AGTPBP1: variants seen among roughly 807,000 people sequenced by gnomAD.
The protein encoded by AGTPBP1 is cytosolic carboxypeptidase 1.
AGTPBP1 carries 70 observed loss-of-function variants against 143.9 expected under a neutral mutation model. The observed-to-expected ratio is 0.49, with a 90% CI of 0.40 to 0.59. AGTPBP1 has a LOEUF of 0.59. Among genes scored for constraint, AGTPBP1 ranks in the 20% least tolerant of loss-of-function variants. AGTPBP1 has a pLI of 0.00. For missense variants in AGTPBP1, 1,229 were observed against 1,464.5 expected, an observed-to-expected ratio of 0.84 and a Z score of 2.62; for synonymous variants, 463 against 500.2, an observed-to-expected ratio of 0.93 and a Z score of 0.99.
intron 6 of AGTPBP1, among the ~76,000 whole-genome samples, chr9:85,676,409 C>G (rs902361192): frequency 6.6e-6 from 1 of 151,814 alleles, no homozygotes; most frequent in Admixed American, 6.6e-5. Context: ...TAAACATTCT[C>G]AAAAGAAAAT....
At chr9:85,741,319 G>A in intron 1 of AGTPBP1, 15 of 985,418 alleles carry the variant, frequency 1.5e-5, no homozygotes, top group South Asian at 4.7e-5. Context: ...AAGCACAGGG[G>A]CCCGCGATTC....
chr9:85,691,622 G>A (rs1456401051), intron 3 of AGTPBP1, among the ~76,000 whole-genome samples: 3 of 150,800 alleles, frequency 2.0e-5, no homozygotes, highest in African/African-American at 7.3e-5. Flanking sequence ...ATCTATTAAG[G>A]TAATCACATG....
intron 9 of AGTPBP1, among the ~76,000 whole-genome samples, chr9:85,658,130 G>C (rs1364008256): frequency 6.6e-6 from 1 of 151,840 alleles, no homozygotes; most frequent in Non-Finnish European, 1.5e-5. Context: ...TGCAAACTTT[G>C]TGTTTCCACT....
the AGTPBP1 span, among the ~76,000 whole-genome samples, chr9:85,788,699 G>GTATACAT: frequency 6.7e-6 from 1 of 148,796 alleles, no homozygotes; most frequent in Non-Finnish European, 1.5e-5. Flanking sequence ...TAGATATAGG[G>GTATACAT]TATACATTAT....
At chr9:85,709,868 G>A (rs1463769523) in intron 2 of AGTPBP1, among the ~76,000 whole-genome samples, 2 of 152,104 alleles carry the variant, frequency 1.3e-5, no homozygotes, top group Admixed American at 6.5e-5. Context: ...TTTACTAGAC[G>A]TGCTTCTTTG....
intron 2 of AGTPBP1, among the ~76,000 whole-genome samples, chr9:85,705,791 C>G (rs185599469): frequency 6.6e-6 from 1 of 151,938 alleles, no homozygotes; most frequent in Non-Finnish European, 1.5e-5. Flanking sequence ...TCCGGGTTCA[C>G]GCTATTCTCC....
At chr9:85,785,828 T>C in the AGTPBP1 span, 1 of 208,012 alleles carries the variant, frequency 4.8e-6, no homozygotes, top group Non-Finnish European at 9.6e-6. Flanking sequence ...AGCACTCTTA[T>C]GTTTCCAGGG....
intron 2 of AGTPBP1, among the ~76,000 whole-genome samples, chr9:85,705,126 G>A (rs1836899867): frequency 6.7e-6 from 1 of 149,800 alleles, no homozygotes; most frequent in Non-Finnish European, 1.5e-5. Context: ...GAAAAGAACA[G>A]AAATATGTAA....
chr9:85,697,688 G>A (rs1383025826), intron 2 of AGTPBP1, among the ~76,000 whole-genome samples: 12 of 151,974 alleles, frequency 7.9e-5, no homozygotes, highest in African/African-American at 2.4e-4. Flanking sequence ...TCCTGACCTC[G>A]TGATCCGCCC....
chr9:85,667,888 C>G (rs1471730800), intron 8 of AGTPBP1, among the ~76,000 whole-genome samples: 1 of 118,956 alleles, frequency 8.4e-6, no homozygotes, highest in Non-Finnish European at 1.7e-5. Flanking sequence ...AAGCCCTGAA[C>G]AAGCAAGCCA....
the AGTPBP1 span, among the ~76,000 whole-genome samples, chr9:85,758,889 A>G: frequency 3.3e-5 from 5 of 152,174 alleles, no homozygotes; most frequent in South Asian, 1.0e-3. Context: ...TCACGTGCAG[A>G]GACACACATA....
chr9:85,596,411 T>G lies in AGTPBP1; in HGVS notation c.2374A>C (p.Asn792His). 6.2e-7 allele frequency: 1 copy of G among 1,611,502 alleles called. No individual in the cohort carries two copies. The highest frequency in any genetic ancestry group is 8.5e-7 in the Non-Finnish European group (1 of 1,179,008). ...ATACGAATCCACCATGGTCTGGCATTTAATGCTTCCTGAACCGAATACATG... is the reference window on the plus strand; with the variant it reads ...ATACGAATCCACCATGGTCTGGCATGTAATGCTTCCTGAACCGAATACATG... ...PLMYSVQEAL[N>H]ARPWWIRMGT... The change falls in exon 18 of 26, where the codon AAT becomes CAT. Residue 792 changes from asparagine (N) to histidine (H), a missense_variant. Physicochemically the swap from Asn to His is moderately conservative, Grantham distance 68. Transcript: ENST00000357081.
chr9:85,586,795 TG>T (rs1286156994), intron 22 of AGTPBP1, 35 bp downstream of exon 22: 3 of 1,595,126 alleles, frequency 1.9e-6, no homozygotes, highest in Non-Finnish European at 2.6e-6. Context: ...ATTTTATCTT[TG>T]ACTATCCCAA....
At position 85,741,838 on chromosome 9, in the gene AGTPBP1, T is replaced by TCAC; in HGVS notation, c.-100_-98dup. On this transcript the variant is annotated 5_prime_UTR_variant, in exon 1 of 26. Transcript: ENST00000357081. ...CGCAGCACCCGGCTCAGCACCTGGATCACGGCGGATCCCTCGCCGCCCGCC... is the reference window on the plus strand; with the variant it reads ...CGCAGCACCCGGCTCAGCACCTGGATCACCACGGCGGATCCCTCGCCGCCCGCC... The TCAC allele has an allele frequency of 7.1e-7, 1 of 1,402,026 alleles. No individual in the cohort carries two copies. The highest frequency in any genetic ancestry group is 9.3e-7 in the Non-Finnish European group (1 of 1,079,362). The allele number at this position is 1,402,026 out of a possible 1,614,324, so 86.8% of individuals were successfully genotyped here.
At chr9:85,604,859 T>C (rs955653170) in intron 17 of AGTPBP1, among the ~76,000 whole-genome samples, 7 of 152,116 alleles carry the variant, frequency 4.6e-5, no homozygotes, top group African/African-American at 1.2e-4. Flanking sequence ...TGCATTATAG[T>C]GTCTCAGCGG....
At chr9:85,794,836 C>T in the AGTPBP1 span, among the ~76,000 whole-genome samples, 2 of 152,098 alleles carry the variant, frequency 1.3e-5, no homozygotes, top group African/African-American at 2.4e-5. Context: ...ACATGTCTTA[C>T]ACTTCTTTGG....
At chr9:85,647,134 G>A (rs1429999208) in intron 11 of AGTPBP1, among the ~76,000 whole-genome samples, 1 of 152,104 alleles carries the variant, frequency 6.6e-6, no homozygotes, top group African/African-American at 2.4e-5. Flanking sequence ...AAAATTAGCT[G>A]GGCATGGTGG....
At chr9:85,641,299 C>A (rs995901030) in intron 13 of AGTPBP1, among the ~76,000 whole-genome samples, 3 of 152,154 alleles carry the variant, frequency 2.0e-5, no homozygotes, top group African/African-American at 7.2e-5. Context: ...CCACAGTATT[C>A]TTCTGCCTTG....
intron 11 of AGTPBP1, among the ~76,000 whole-genome samples, chr9:85,649,524 C>T (rs1474175250): frequency 6.6e-6 from 1 of 152,186 alleles, no homozygotes; most frequent in African/African-American, 2.4e-5. Context: ...TCCACAGATA[C>T]TGATAAATTT....
Sources: allele counts gnomAD v4.1 joint callset (sites outside exome capture counted in the v4.1 genomes callset), GRCh38; gene constraint gnomAD v4.1.1; transcripts MANE v1.5; gene names NCBI Gene and HGNC (gene_info 2026-07-23, HGNC 2026-07-21).